Variants in ANXA8 observed in about 807,000 individuals in gnomAD.
The protein encoded by ANXA8 is annexin A8, also known as VAC-beta.
ANXA8 carries 9 observed loss-of-function variants against 26.8 expected under a neutral mutation model. That is an observed-to-expected ratio of 0.34 (90% CI 0.20 to 0.59). The LOEUF (loss-of-function observed/expected upper bound fraction) is 0.59, where lower values mean the gene tolerates loss of function less well. Among genes scored for constraint, ANXA8 ranks in the 20% least tolerant of loss-of-function variants. The probability of loss-of-function intolerance (pLI) is 0.84; values close to 1 mark genes in which losing one functional copy is unlikely to be tolerated. For synonymous variants in ANXA8, 39 were observed against 94.8 expected (o/e 0.41, Z 3.42); for missense variants, 83 against 238.5 (o/e 0.35, Z 4.29).
the ANXA8 span, among the ~76,000 whole-genome samples, chr10:47,536,662 T>G: frequency 1.6e-5 from 2 of 125,688 alleles, no homozygotes; most frequent in Non-Finnish European, 3.1e-5. Flanking sequence ...AAACTACACA[T>G]TAGCATTAAC....
At chr10:47,495,226 C>T in the ANXA8 span, among the ~76,000 whole-genome samples, 61 of 147,816 alleles carry the variant, frequency 4.1e-4, no homozygotes, top group Non-Finnish European at 6.7e-4. Context: ...GCTCACTCTG[C>T]GGGATTTCTG....
At chr10:47,534,593 G>T in the ANXA8 span, among the ~76,000 whole-genome samples, 1 of 123,428 alleles carries the variant, frequency 8.1e-6, no homozygotes. Context: ...ATTTATACAA[G>T]TTCCTTAGGT....
At chr10:47,679,214 A>AAAGAAC in the ANXA8 span, among the ~76,000 whole-genome samples, 3 of 150,836 alleles carry the variant, frequency 2.0e-5, no homozygotes, top group African/African-American at 7.3e-5. Context: ...AGAAAAAGAA[A>AAAGAAC]CAGTGACTAT....
the ANXA8 span, among the ~76,000 whole-genome samples, chr10:47,744,500 C>CT: frequency 6.8e-6 from 1 of 147,368 alleles, no homozygotes; most frequent in African/African-American, 2.5e-5. Flanking sequence ...GCGGTAAGGG[C>CT]TAGCTCCTTT....
chr10:47,514,254 A>T, the ANXA8 span, among the ~76,000 whole-genome samples: 3 of 149,220 alleles, frequency 2.0e-5, no homozygotes, highest in Admixed American at 1.3e-4. Flanking sequence ...CATACATATT[A>T]TATATATATA....
chr10:47,709,600 T>G, the ANXA8 span, among the ~76,000 whole-genome samples: 1 of 143,300 alleles, frequency 7.0e-6, no homozygotes, highest in Non-Finnish European at 1.5e-5. Flanking sequence ...AATATTACAA[T>G]GTAGCACATG....
the ANXA8 span, among the ~76,000 whole-genome samples, chr10:47,660,361 A>C: frequency 3.3e-5 from 5 of 150,866 alleles, no homozygotes; most frequent in African/African-American, 1.2e-4. Flanking sequence ...CTTGCCTGTA[A>C]TCAGGTTCAG....
the ANXA8 span, among the ~76,000 whole-genome samples, chr10:47,534,619 T>A: frequency 3.8e-4 from 49 of 128,778 alleles, 2 homozygotes; most frequent in African/African-American, 1.3e-3. Flanking sequence ...GGATATTTTT[T>A]AAAATCATTT....
At chr10:47,495,874 T>C in the ANXA8 span, among the ~76,000 whole-genome samples, 58 of 151,420 alleles carry the variant, frequency 3.8e-4, no homozygotes, top group South Asian at 6.3e-4. Context: ...GCAACACACA[T>C]TCCCAGCAGG....
At chr10:47,485,773 T>C (rs1475900963), upstream of ANXA8, among the ~76,000 whole-genome samples, 9 of 152,068 alleles carry the variant, frequency 5.9e-5, 1 homozygote, top group African/African-American at 2.2e-4. Flanking sequence ...TCTTGCCCAC[T>C]ACTACCCACT....
the ANXA8 span, chr10:47,720,056 T>C: frequency 2.4e-6 from 3 of 1,271,912 alleles, 1 homozygote; most frequent in Non-Finnish European, 3.2e-6. Flanking sequence ...AGAAAATATA[T>C]TATAGGTAAG....
At chr10:47,974,218 A>G in the ANXA8 span, among the ~76,000 whole-genome samples, 4 of 149,804 alleles carry the variant, frequency 2.7e-5, no homozygotes, top group Admixed American at 2.7e-4. Context: ...AAGCTGCAGT[A>G]TCTTCATCTG....
At chr10:47,989,822 AAG>A in the ANXA8 span, among the ~76,000 whole-genome samples, 2 of 85,182 alleles carry the variant, frequency 2.3e-5, 1 homozygote, top group Non-Finnish European at 5.8e-5. Context: ...CAACACCAAA[AAG>A]AGAGGTGCAG....
chr10:47,497,722 G>C, the ANXA8 span, among the ~76,000 whole-genome samples: 1 of 148,948 alleles, frequency 6.7e-6, no homozygotes, highest in East Asian at 2.2e-4. Context: ...CGGATCACCT[G>C]AAGTCAGGAG....
the ANXA8 span, chr10:47,503,202 G>A: frequency 1.0e-5 from 16 of 1,600,892 alleles, no homozygotes; most frequent in Non-Finnish European, 1.4e-5. Context: ...GCACGCCATT[G>A]GAACACAGGG....
At chr10:47,982,835 A>ATATATAT in the ANXA8 span, among the ~76,000 whole-genome samples, 6 of 12,792 alleles carry the variant, frequency 4.7e-4, no homozygotes, top group African/African-American at 7.6e-4. Context: ...TATATATATA[A>ATATATAT]AATTTGATAA....
At chr10:47,733,217 CTTTCT>C in the ANXA8 span, among the ~76,000 whole-genome samples, 17 of 71,352 alleles carry the variant, frequency 2.4e-4, no homozygotes, top group African/African-American at 8.0e-4. Flanking sequence ...TTCTTTCTTT[CTTTCT>C]CTTTCTTTCT....
At chr10:47,469,044 G>T (rs1839214353) in intron 11 of ANXA8, 138 bp from the exon 12 acceptor site, 2 of 1,317,080 alleles carry the variant, frequency 1.5e-6, no homozygotes, top group Non-Finnish European at 1.1e-6. Context: ...AGCCGCAGGG[G>T]TTGTGCCATC....
At chr10:47,947,723 T>C in the ANXA8 span, among the ~76,000 whole-genome samples, 9 of 150,798 alleles carry the variant, frequency 6.0e-5, no homozygotes, top group African/African-American at 2.2e-4. Flanking sequence ...CCATGCTTCC[T>C]GTACAGCCTG....
Sources: gnomAD v4.1 joint callset for allele counts (sites outside exome capture counted in the v4.1 genomes callset) on GRCh38, gnomAD v4.1.1 for gene constraint, MANE v1.5 for transcripts, NCBI Gene and HGNC (gene_info 2026-07-23, HGNC 2026-07-21) for gene names.